Variants in RB1 observed in about 807,000 individuals in gnomAD.
RB1 encodes the protein RB transcriptional corepressor 1, also known as retinoblastoma-associated protein.
RB1 carries 18 observed loss-of-function variants against 135.4 expected under a neutral mutation model. The observed-to-expected ratio is 0.13, with a 90% CI of 0.09 to 0.20. RB1 has a LOEUF of 0.20. Ranked by LOEUF, RB1 falls within the 10% of genes least tolerant of loss-of-function variation. The pLI, the probability that RB1 is intolerant of heterozygous loss-of-function variation, is 1.00. For synonymous variants in RB1, 365 were observed against 373.2 expected, an observed-to-expected ratio of 0.98 and a Z score of 0.25; for missense variants, 868 against 1,110.0, an observed-to-expected ratio of 0.78 and a Z score of 3.10.
intron 2 of RB1, chr13:48,316,719 TCACACA>T (rs60176662): frequency 0.021 from 2,295 of 107,430 alleles, 74 homozygotes; most frequent in Middle Eastern, 0.046. Flanking sequence ...CACAGAACCA[TCACACA>T]CACACACACA....
intron 17 of RB1, chr13:48,439,787 A>G (rs1291012578): frequency 3.3e-5 from 5 of 152,178 alleles, no homozygotes; most frequent in Non-Finnish European, 7.4e-5. Flanking sequence ...GCTTTGGGGA[A>G]GGTTTGAAAG....
At chr13:48,337,891 T>C (rs1433807077) in intron 2 of RB1, among the ~76,000 whole-genome samples, 1 of 152,250 alleles carries the variant, frequency 6.6e-6, no homozygotes, top group African/African-American at 2.4e-5. Context: ...ACAAAATGTC[T>C]CAGCATTTGT....
At chr13:48,479,006 T>C (rs901856634) in intron 26 of RB1, among the ~76,000 whole-genome samples, 1 of 152,122 alleles carries the variant, frequency 6.6e-6, no homozygotes, top group Non-Finnish European at 1.5e-5. Context: ...GTGAGAGGAT[T>C]GCTTGAGGCC....
intron 17 of RB1, among the ~76,000 whole-genome samples, chr13:48,392,782 G>A (rs528691519): frequency 5.6e-4 from 85 of 151,640 alleles, no homozygotes; most frequent in African/African-American, 8.5e-4. Context: ...TTTAAGAGTC[G>A]TATGTTTCTG....
intron 20 of RB1, 44 bp downstream of exon 20, chr13:48,459,877 T>G (rs1287132446): frequency 7.1e-7 from 1 of 1,416,156 alleles, no homozygotes; most frequent in Admixed American, 2.2e-5. Flanking sequence ...CCTACTTACT[T>G]GTTAACTGAT....
At chr13:48,340,979 C>T (rs1008119177) in intron 2 of RB1, 46 of 152,030 alleles carry the variant, frequency 3.0e-4, no homozygotes, top group African/African-American at 7.0e-4. Flanking sequence ...CAGTTCAATA[C>T]GTTTTAACAG....
At chr13:48,308,142 AAGG>A (rs1461349704) in intron 2 of RB1, among the ~76,000 whole-genome samples, 1 of 151,714 alleles carries the variant, frequency 6.6e-6, no homozygotes, top group Non-Finnish European at 1.5e-5. Flanking sequence ...TGTTTAATAA[AAGG>A]AGCAAATAAT....
rs750879147 is a variant in RB1, at chr13:48,380,159, C to G, written c.1422-6C>G. The G allele has an allele frequency of 2.0e-6, 3 of 1,520,452 alleles. No individual in the cohort carries two copies. 94.2% of individuals were successfully genotyped at this position (1,520,452 alleles called of 1,614,324 possible). On this transcript the variant is annotated splice_region_variant and splice_polypyrimidine_tract_variant and intron_variant, in intron 15 of 26. Coordinates refer to ENST00000267163, the MANE Select transcript of RB1 (RefSeq NM_000321.3). ...GTATTTTATAATCTTTTTTTTTTTC[C>G]TTTAGCAAACTTCTGAATGACAACA...
rs1217977493 is a variant in RB1, at chr13:48,456,280, C to A, written c.1891C>A (p.Gln631Lys). The change falls in exon 19 of 27, where the codon CAA (glutamine) becomes AAA (lysine). Residue 631 changes from glutamine to lysine, a missense_variant. Around this residue, in one of 3 missense-constraint regions of RB1, gnomAD observed 641 missense variants for 791.3 expected, o/e 0.81. Coordinates refer to ENST00000267163, the MANE Select transcript of RB1 (RefSeq NM_000321.3). ...RVNSTANAET[Q>K]ATSAFQTQKP... The stretch of plus-strand genomic sequence containing the variant: ...AAATTCTACTGCAAATGCAGAGACA[C>A]AAGCAACCTCAGCCTTCCAGACCCA... 6.2e-7 allele frequency: 1 copy of A among 1,614,078 alleles called. No individual in the cohort carries two copies. The highest frequency in any genetic ancestry group is 1.3e-5 in the African/African-American group (1 of 74,926).
intron 2 of RB1, chr13:48,320,255 T>C: frequency 8.6e-7 from 1 of 1,161,306 alleles, no homozygotes; most frequent in Non-Finnish European, 1.2e-6. Context: ...GCGTCTGCCC[T>C]GTGGCCCCTC....
chr13:48,317,135 G>T (rs918055992), intron 2 of RB1: 12 of 897,472 alleles, frequency 1.3e-5, no homozygotes, highest in Non-Finnish European at 1.8e-5. Flanking sequence ...GGCTGGGCCC[G>T]GCCTGGGCCT....
At chr13:48,451,964 C>A (rs990901957) in intron 17 of RB1, among the ~76,000 whole-genome samples, 1 of 151,848 alleles carries the variant, frequency 6.6e-6, no homozygotes, top group East Asian at 1.9e-4. Context: ...TGGTATCTCC[C>A]TTGTCATTTC....
At chr13:48,362,397 A>T (rs1593444886) in intron 7 of RB1, among the ~76,000 whole-genome samples, 1 of 152,004 alleles carries the variant, frequency 6.6e-6, no homozygotes. Context: ...AAGACATCAT[A>T]ATTTACTAAA....
intron 17 of RB1, among the ~76,000 whole-genome samples, chr13:48,431,528 G>T (rs889492468): frequency 3.3e-5 from 5 of 152,166 alleles, no homozygotes; most frequent in Non-Finnish European, 7.4e-5. Context: ...TAAGCCACTA[G>T]TCATCTATTC....
chr13:48,317,933 T>A, intron 2 of RB1: 1 of 436,778 alleles, frequency 2.3e-6, no homozygotes, highest in Admixed American at 3.0e-5. Flanking sequence ...TCTGAACTGC[T>A]CAGACTCCTT....
At chr13:48,438,312 A>G (rs558905278) in intron 17 of RB1, among the ~76,000 whole-genome samples, 37 of 152,282 alleles carry the variant, frequency 2.4e-4, no homozygotes, top group Admixed American at 2.1e-3. Flanking sequence ...GATTAGCTGC[A>G]TGAAGTTTCC....
intron 2 of RB1, chr13:48,320,309 G>A: frequency 1.6e-6 from 2 of 1,231,254 alleles, no homozygotes; most frequent in South Asian, 2.4e-5. Context: ...ACCCCGCTGC[G>A]CTGCAGCGTG....
chr13:48,375,770 TG>T (rs1258665737), intron 12 of RB1, among the ~76,000 whole-genome samples: 4 of 150,636 alleles, frequency 2.7e-5, no homozygotes, highest in African/African-American at 7.4e-5. Flanking sequence ...GTGGAGATGG[TG>T]TTTCACAATG....
chr13:48,418,661 G>A (rs1423474154), intron 17 of RB1, among the ~76,000 whole-genome samples: 1 of 150,694 alleles, frequency 6.6e-6, no homozygotes, highest in South Asian at 2.1e-4. Flanking sequence ...GCAAAGACAC[G>A]TGCTCTAAAT....
Sources: gnomAD v4.1 joint callset for allele counts (sites outside exome capture counted in the v4.1 genomes callset) on GRCh38, gnomAD v4.1.1 for gene constraint, gnomAD v4.1.1 regional missense constraint, MANE v1.5 for transcripts, NCBI Gene and HGNC (gene_info 2026-07-23, HGNC 2026-07-21) for gene names.